Variants in OSBPL10 observed in about 807,000 individuals in gnomAD.
The protein encoded by OSBPL10 is oxysterol-binding protein-related protein 10.
In OSBPL10, 49 loss-of-function variants were observed where a neutral mutation model predicts 81.7. The ratio of observed to expected loss-of-function variants is 0.60; its 90% CI spans 0.48 to 0.76. OSBPL10 has a LOEUF of 0.76. OSBPL10 is among the 30% of genes least tolerant of loss of function. The pLI is 0.00. For synonymous variants in OSBPL10, 419 were observed against 383.6 expected (o/e 1.09, Z -1.08); for missense variants, 923 against 987.8 (o/e 0.93, Z 0.88).
chr3:31,720,451 A>G (rs903229626), intron 6 of OSBPL10, among the ~76,000 whole-genome samples: 1 of 152,192 alleles, frequency 6.6e-6, no homozygotes, highest in Non-Finnish European at 1.5e-5. Context: ...TCCAATAATG[A>G]GTCCAGCTGA....
intron 4 of OSBPL10, among the ~76,000 whole-genome samples, chr3:31,789,193 G>A (rs918811502): frequency 1.3e-5 from 2 of 152,006 alleles, no homozygotes; most frequent in Non-Finnish European, 2.9e-5. Context: ...GGTCATGCTG[G>A]GATTACAGGT....
intron 5 of OSBPL10, 96 bp downstream of exon 5, chr3:31,747,814 G>A (rs915331783): frequency 1.5e-5 from 19 of 1,270,264 alleles, no homozygotes; most frequent in East Asian, 4.7e-5. Context: ...TGGATGGATC[G>A]TAGAGAAATG....
chr3:32,054,979 T>C (rs1466971303), intron 1 of OSBPL10, among the ~76,000 whole-genome samples: 2 of 152,144 alleles, frequency 1.3e-5, no homozygotes, highest in African/African-American at 2.4e-5. Flanking sequence ...AGGTTTCTGA[T>C]AACTTTGGAG....
chr3:32,073,651 T>C (rs1291269343), intron 1 of OSBPL10, among the ~76,000 whole-genome samples: 1 of 152,174 alleles, frequency 6.6e-6, no homozygotes, highest in Non-Finnish European at 1.5e-5. Context: ...CTTTATGCAG[T>C]CACCCCCACT....
intron 3 of OSBPL10, among the ~76,000 whole-genome samples, chr3:31,852,189 C>G (rs994731311): frequency 6.6e-6 from 1 of 152,140 alleles, no homozygotes; most frequent in South Asian, 2.1e-4. Context: ...AAGACCTACC[C>G]GCAAGATTGT....
chr3:32,043,981 T>C (rs901748226), intron 2 of OSBPL10, among the ~76,000 whole-genome samples: 1 of 149,404 alleles, frequency 6.7e-6, no homozygotes, highest in Non-Finnish European at 1.5e-5. Flanking sequence ...ACCTATTGGG[T>C]ACTGTGCTCA....
At chr3:31,854,666 T>C (rs1282681736) in intron 3 of OSBPL10, among the ~76,000 whole-genome samples, 1 of 152,214 alleles carries the variant, frequency 6.6e-6, no homozygotes, top group Non-Finnish European at 1.5e-5. Flanking sequence ...CCACGTATCC[T>C]TTACTCGGTT....
chr3:32,076,107 C>T (rs1015592225), intron 1 of OSBPL10, among the ~76,000 whole-genome samples: 8 of 152,182 alleles, frequency 5.3e-5, no homozygotes, highest in East Asian at 1.9e-4. Context: ...CGGTGGCTCA[C>T]GCCTGTAATC....
At chr3:31,749,617 C>T (rs921412214) in intron 4 of OSBPL10, among the ~76,000 whole-genome samples, 20 of 152,058 alleles carry the variant, frequency 1.3e-4, no homozygotes, top group African/African-American at 4.8e-4. Context: ...GAGCTCGAGA[C>T]CAGCCTGGCC....
chr3:31,768,564 T>C (rs927881808), intron 4 of OSBPL10, among the ~76,000 whole-genome samples: 4 of 151,970 alleles, frequency 2.6e-5, no homozygotes, highest in African/African-American at 4.8e-5. Context: ...TGTAATTCTT[T>C]CCACACTACA....
At chr3:31,945,597 C>T (rs1697676966) in intron 1 of OSBPL10, among the ~76,000 whole-genome samples, 1 of 152,210 alleles carries the variant, frequency 6.6e-6, no homozygotes, top group Non-Finnish European at 1.5e-5. Context: ...ACATGGGGTC[C>T]ATTCACTACA....
chr3:31,784,361 AGGAAAAGGAAAAGGAAAG>A (rs201305268), intron 4 of OSBPL10, among the ~76,000 whole-genome samples: 3,856 of 151,164 alleles, frequency 0.026, 72 homozygotes, highest in Middle Eastern at 0.034. Flanking sequence ...GGGAAAGGAA[AGGAAAAGGAAAAGGAAAG>A]GGAAAAGGAA....
chr3:31,752,722 C>A (rs923309795), intron 4 of OSBPL10, among the ~76,000 whole-genome samples: 1 of 152,178 alleles, frequency 6.6e-6, no homozygotes, highest in Non-Finnish European at 1.5e-5. Flanking sequence ...CGGGAGACAG[C>A]AAGAAGATAA....
At chr3:32,030,204 C>T (rs746280617) in intron 2 of OSBPL10, 33 of 246,920 alleles carry the variant, frequency 1.3e-4, no homozygotes, top group Admixed American at 2.7e-4. Context: ...AAATGACGAA[C>T]GCCAAGGGAA....
chr3:31,879,549 G>A, intron 2 of OSBPL10, 106 bp downstream of exon 2: 1 of 1,224,576 alleles, frequency 8.2e-7, no homozygotes, highest in Non-Finnish European at 1.1e-6. Context: ...TCCAAACACA[G>A]CAAACTGTCA....
chr3:31,882,723 A>G (rs1695619445), intron 1 of OSBPL10, among the ~76,000 whole-genome samples: 1 of 152,176 alleles, frequency 6.6e-6, no homozygotes, highest in South Asian at 2.1e-4. Context: ...ACAACTTGGG[A>G]GAGCCTGGGT....
Position 31,833,705 on chromosome 3 carries a change from G to GCGCACACACACACA in OSBPL10, c.538-3475_538-3474insTGTGTGTGTGTGCG, listed in dbSNP as rs1553631714. On this transcript the variant is annotated intron_variant, in intron 3 of 11. Transcript: ENST00000396556. The stretch of plus-strand genomic sequence containing the variant: ...GTAGGGAAAACACGCACACGCACAC[G>GCGCACACACACACA]CACACACACACACACACACACACAC... Among the ~76,000 whole-genome samples the GCGCACACACACACA allele has an allele frequency of 6.5e-5, 9 of 138,040 alleles. No homozygotes were observed. In the East Asian group the frequency reaches 2.0e-3, roughly 31 times the overall value. The allele number at this position is 138,040 out of a possible 152,430, so 90.6% of individuals were successfully genotyped here.
At position 32,022,809 on chromosome 3, in the gene OSBPL10, C is replaced by T. The variant is rs1404475218; in HGVS notation, n.298+23682G>A. ...AAAATTCTGATTTGCGATTAAAGGA[C>T]ACAAAGCTTTGTCTAAAAATTTGGG... On this transcript the variant is annotated intron_variant and non_coding_transcript_variant, in intron 2 of 3. Transcript: ENST00000479173. 1.3e-5 allele frequency among the ~76,000 whole-genome samples: 2 copies of T among 152,030 alleles called. 1 individual carries two copies. Among genetic ancestry groups the T allele is most frequent in the Admixed American group, 1.3e-4 (2 of 15,250 alleles).
chr3:31,751,074 G>C (rs1409345781), intron 4 of OSBPL10, among the ~76,000 whole-genome samples: 1 of 152,132 alleles, frequency 6.6e-6, no homozygotes, highest in Non-Finnish European at 1.5e-5. Flanking sequence ...GGGAGGCCAA[G>C]GAGGGCAGAT....
Sources: gnomAD v4.1 joint callset for allele counts (sites outside exome capture counted in the v4.1 genomes callset) on GRCh38, gnomAD v4.1.1 for gene constraint, MANE v1.5 for transcripts, NCBI Gene and HGNC (gene_info 2026-07-23, HGNC 2026-07-21) for gene names.